The following PCLO variants were observed in gnomAD, a reference collection of about 807,000 sequenced individuals.
PCLO encodes the protein piccolo presynaptic cytomatrix protein.
A neutral mutation model predicts 427.5 loss-of-function variants in PCLO; 82 were observed. That is an observed-to-expected ratio of 0.19 (90% CI 0.16 to 0.23). PCLO has a LOEUF of 0.23. PCLO is among the 10% of genes least tolerant of loss of function. PCLO has a pLI of 1.00. For missense variants in PCLO, 6,239 were observed against 6,115.9 expected, an observed-to-expected ratio of 1.02 and a Z score of -0.67; for synonymous variants, 2,357 against 2,155.4, an observed-to-expected ratio of 1.09 and a Z score of -2.59.
chr7:83,024,434 G>T (rs1200984869), intron 3 of PCLO, among the ~76,000 whole-genome samples: 1 of 152,206 alleles, frequency 6.6e-6, no homozygotes. Flanking sequence ...ATTATATCCC[G>T]CACGTGGCTC....
intron 3 of PCLO, among the ~76,000 whole-genome samples, chr7:83,004,962 A>T (rs1375493351): frequency 6.6e-6 from 1 of 151,674 alleles, no homozygotes; most frequent in Non-Finnish European, 1.5e-5. Flanking sequence ...GCGAATCAAA[A>T]ACACAATGAT....
intron 20 of PCLO, among the ~76,000 whole-genome samples, chr7:82,814,693 T>G (rs926659908): frequency 1.3e-5 from 2 of 151,800 alleles, no homozygotes; most frequent in African/African-American, 4.8e-5. Context: ...CCATTAGTCA[T>G]CAAAGCAATG....
chr7:82,783,600 C>T (rs1160080758), intron 22 of PCLO, among the ~76,000 whole-genome samples: 1 of 151,510 alleles, frequency 6.6e-6, no homozygotes, highest in Non-Finnish European at 1.5e-5. Context: ...CCAGCCTGGG[C>T]GATAGAGCGA....
chr7:83,031,542 A>G (rs757456622), intron 3 of PCLO, among the ~76,000 whole-genome samples: 2 of 152,156 alleles, frequency 1.3e-5, no homozygotes, highest in Non-Finnish European at 2.9e-5. Flanking sequence ...TGTTACACAC[A>G]AAAAAGGGAA....
intron 8 of PCLO, among the ~76,000 whole-genome samples, chr7:82,903,251 A>G (rs1794102805): frequency 6.6e-6 from 1 of 151,980 alleles, no homozygotes; most frequent in African/African-American, 2.4e-5. Flanking sequence ...TTATTGTGGC[A>G]TTGTACTTCT....
At chr7:82,863,330 A>G (rs1479496677) in intron 10 of PCLO, among the ~76,000 whole-genome samples, 1 of 152,000 alleles carries the variant, frequency 6.6e-6, no homozygotes, top group African/African-American at 2.4e-5. Context: ...CAAAAATATC[A>G]GTAACAATTT....
At chr7:82,830,768 G>T (rs1792074890) in intron 16 of PCLO, among the ~76,000 whole-genome samples, 1 of 151,794 alleles carries the variant, frequency 6.6e-6, no homozygotes, top group Non-Finnish European at 1.5e-5. Context: ...TAAAATTCTG[G>T]GTCTGCCAAT....
At chr7:82,851,876 G>A (rs563137549) in intron 10 of PCLO, among the ~76,000 whole-genome samples, 1 of 152,278 alleles carries the variant, frequency 6.6e-6, no homozygotes, top group Admixed American at 6.5e-5. Flanking sequence ...TATACTCATT[G>A]CTCATTCATT....
At position 82,758,551 on chromosome 7, in the gene PCLO, T is replaced by C; in HGVS notation, c.*24A>G. The C allele has an allele frequency of 5.6e-6, 9 of 1,601,232 alleles. No individual in the cohort carries two copies. The highest frequency in any genetic ancestry group is 7.7e-6 in the Non-Finnish European group (9 of 1,173,870). ...ATGTGAGGCTATTTAGAGCAGTTTCTATACCCTGAGAAGACATGTTTCTTC... is the reference window on the plus strand; with the variant it reads ...ATGTGAGGCTATTTAGAGCAGTTTCCATACCCTGAGAAGACATGTTTCTTC... On this transcript the variant is annotated 3_prime_UTR_variant, in exon 25 of 25. Transcript: ENST00000333891.
intron 22 of PCLO, among the ~76,000 whole-genome samples, chr7:82,777,508 G>A (rs1790779926): frequency 6.6e-6 from 1 of 152,142 alleles, no homozygotes; most frequent in East Asian, 1.9e-4. Context: ...AACCTATACT[G>A]TGGGGCTATA....
intron 3 of PCLO, among the ~76,000 whole-genome samples, chr7:83,059,592 T>G (rs909824959): frequency 6.9e-6 from 1 of 144,730 alleles, no homozygotes; most frequent in African/African-American, 2.9e-5. Flanking sequence ...TGACAGAAAT[T>G]TATTTAACCA....
intron 22 of PCLO, among the ~76,000 whole-genome samples, chr7:82,785,216 A>T (rs1004334247): frequency 6.6e-6 from 1 of 152,150 alleles, no homozygotes; most frequent in Non-Finnish European, 1.5e-5. Flanking sequence ...AAACTGTTTC[A>T]TCTCAGATCA....
rs1405471026 is a variant in PCLO, at chr7:82,761,557, T to C, written c.15008-64A>G. 6.7e-6 allele frequency: 8 copies of C among 1,197,920 alleles called. No homozygotes were observed. In the East Asian group the frequency reaches 1.7e-4, roughly 25 times the overall value. 74.2% of individuals were successfully genotyped at this position (1,197,920 alleles called of 1,614,324 possible). A position where few individuals can be genotyped will look rare whatever the true frequency, so the allele number is the denominator to read the frequency against. The stretch of plus-strand genomic sequence containing the variant: ...GCCATATATGAAATGTTTAGTTCAG[T>C]AATTCATTCATACATTCATTTACTC... On this transcript the variant is annotated intron_variant, in intron 22 of 24. Coordinates refer to ENST00000333891, the MANE Select transcript of PCLO (RefSeq NM_033026.6).
chr7:82,952,977 A>G lies in PCLO; in HGVS notation c.7976T>C (p.Phe2659Ser), dbSNP rs372028340. The change falls in exon 5 of 25, where the codon TTT becomes TCT. Residue 2659 changes from phenylalanine to serine, a missense_variant. Transcript: ENST00000333891. Reference sequence around the variant, plus strand: ...TGTAACTGATGTGGGAGCTGCTTGAAATGAAGAGGGTGCTGTGACAGGGGT... The same window carrying G: ...TGTAACTGATGTGGGAGCTGCTTGAGATGAAGAGGGTGCTGTGACAGGGGT... ...SATPVTAPSS[F>S]QAAPTSVTQF... is the part of the protein sequence containing the mutation. 1.8e-5 allele frequency: 29 copies of G among 1,613,756 alleles called. No individual in the cohort carries two copies. In the Admixed American group the frequency reaches 4.2e-4, roughly 23 times the overall value.
At chr7:82,881,163 G>C (rs930467446) in intron 9 of PCLO, among the ~76,000 whole-genome samples, 3 of 152,084 alleles carry the variant, frequency 2.0e-5, no homozygotes, top group Admixed American at 6.6e-5. Flanking sequence ...GATTGCTTGA[G>C]GCCAGGAGTT....
At chr7:82,927,672 T>G (rs1263660479) in intron 6 of PCLO, among the ~76,000 whole-genome samples, 1 of 152,174 alleles carries the variant, frequency 6.6e-6, no homozygotes, top group Non-Finnish European at 1.5e-5. Flanking sequence ...CTTTTAAATC[T>G]CACTTTAGTA....
intron 3 of PCLO, among the ~76,000 whole-genome samples, chr7:83,074,806 C>T (rs1789910102): frequency 6.6e-6 from 1 of 152,128 alleles, no homozygotes; most frequent in Non-Finnish European, 1.5e-5. Context: ...ATACTTCACA[C>T]TCTGGCCTTT....
chr7:82,788,927 G>T (rs918990443), intron 22 of PCLO, among the ~76,000 whole-genome samples: 3 of 151,138 alleles, frequency 2.0e-5, no homozygotes, highest in African/African-American at 7.3e-5. Context: ...AATTTTAAAA[G>T]CAGGTTTTAA....
chr7:83,059,076 T>A (rs1041584836), intron 3 of PCLO, among the ~76,000 whole-genome samples: 1 of 151,336 alleles, frequency 6.6e-6, no homozygotes, highest in African/African-American at 2.4e-5. Context: ...AGCTACAGCA[T>A]CTTTAAAATT....
Sources: allele counts gnomAD v4.1 joint callset (sites outside exome capture counted in the v4.1 genomes callset), GRCh38; gene constraint gnomAD v4.1.1; transcripts MANE v1.5; gene names NCBI Gene and HGNC (gene_info 2026-07-23, HGNC 2026-07-21).